Variants in KLHL1 observed in about 807,000 individuals in gnomAD.
KLHL1 encodes kelch-like protein 1.
A neutral mutation model predicts 77.7 loss-of-function variants in KLHL1; 47 were observed. That is an observed-to-expected ratio of 0.60 (90% CI 0.48 to 0.77). The LOEUF (loss-of-function observed/expected upper bound fraction) is 0.77. Ranked by LOEUF, KLHL1 falls within the 30% of genes least tolerant of loss-of-function variation. The pLI, the probability that KLHL1 is intolerant of heterozygous loss-of-function variation, is 0.00. For missense variants in KLHL1, 925 were observed against 910.8 expected (o/e 1.02, Z -0.20); for synonymous variants, 360 against 325.2 (o/e 1.11, Z -1.15).
intron 1 of KLHL1, among the ~76,000 whole-genome samples, chr13:70,005,711 T>C (rs567349233): frequency 6.6e-6 from 1 of 152,140 alleles, no homozygotes; most frequent in South Asian, 2.1e-4. Context: ...ATATTTTAAA[T>C]GAAATAAATG....
chr13:70,035,938 A>G (rs1230371814), intron 1 of KLHL1, among the ~76,000 whole-genome samples: 1 of 152,096 alleles, frequency 6.6e-6, no homozygotes, highest in East Asian at 1.9e-4. Flanking sequence ...TAATTTTACA[A>G]TATCATTGCT....
At chr13:70,003,460 G>A (rs888843126) in intron 1 of KLHL1, among the ~76,000 whole-genome samples, 3 of 151,616 alleles carry the variant, frequency 2.0e-5, no homozygotes, top group Non-Finnish European at 4.4e-5. Context: ...AATGAGGTGT[G>A]CATCATGAAA....
chr13:70,082,488 C>T (rs2137431510), intron 1 of KLHL1, among the ~76,000 whole-genome samples: 1 of 151,954 alleles, frequency 6.6e-6, no homozygotes, highest in South Asian at 2.1e-4. Context: ...AAGACACACT[C>T]CAAATTTTTT....
At chr13:69,901,495 G>T (rs1184745405) in intron 4 of KLHL1, among the ~76,000 whole-genome samples, 1 of 152,168 alleles carries the variant, frequency 6.6e-6, no homozygotes, top group African/African-American at 2.4e-5. Flanking sequence ...TGACAATGAT[G>T]ACTCTGGTCA....
At chr13:70,103,533 G>A (rs1428776172) in intron 1 of KLHL1, among the ~76,000 whole-genome samples, 1 of 152,096 alleles carries the variant, frequency 6.6e-6, no homozygotes, top group Non-Finnish European at 1.5e-5. Context: ...ATAATGAGGG[G>A]AGGTGATAAG....
At chr13:69,800,330 G>C (rs112752534) in intron 6 of KLHL1, among the ~76,000 whole-genome samples, 14 of 152,214 alleles carry the variant, frequency 9.2e-5, no homozygotes, top group Middle Eastern at 6.8e-3. Flanking sequence ...ATATTCACAG[G>C]TTCCAGGGTT....
intron 1 of KLHL1, among the ~76,000 whole-genome samples, chr13:70,038,310 G>A (rs1353598548): frequency 3.3e-5 from 5 of 152,044 alleles, no homozygotes; most frequent in Middle Eastern, 3.2e-3. Flanking sequence ...CCTGTTGAAG[G>A]GTAGCTGGAC....
intron 1 of KLHL1, among the ~76,000 whole-genome samples, chr13:70,057,497 C>T (rs1886771524): frequency 7.3e-6 from 1 of 137,498 alleles, no homozygotes; most frequent in Non-Finnish European, 1.6e-5. Context: ...AAAAAAGAGG[C>T]CGGGCGCGGT....
Position 69,833,734 on chromosome 13 carries a change from T to A in KLHL1, c.1414+5242A>T, listed in dbSNP as rs192507792. ...AAATGCCCATCAATCAATGAGTGGA[T>A]AAAGAAATAATGGTATATATATATA... On this transcript the variant is annotated intron_variant, in intron 6 of 10. Coordinates refer to ENST00000377844, the MANE Select transcript of KLHL1 (RefSeq NM_020866.3). 3.9e-3 allele frequency among the ~76,000 whole-genome samples: 496 copies of A among 125,964 alleles called. 4 individuals are homozygous for A. The highest frequency in any genetic ancestry group is 0.014 in the African/African-American group (483 of 35,342). The allele number at this position is 125,964 out of a possible 152,430, so 82.6% of individuals were successfully genotyped here.
At chr13:69,949,961 CT>C (rs1883655546) in intron 3 of KLHL1, among the ~76,000 whole-genome samples, 1 of 151,600 alleles carries the variant, frequency 6.6e-6, no homozygotes, top group Non-Finnish European at 1.5e-5. Flanking sequence ...TAGTTGTCTT[CT>C]AAAAATTACC....
At chr13:69,826,873 T>G (rs1015301268) in intron 6 of KLHL1, among the ~76,000 whole-genome samples, 3 of 151,466 alleles carry the variant, frequency 2.0e-5, no homozygotes, top group African/African-American at 7.3e-5. Context: ...ATTTTTATTT[T>G]AATAAGAATA....
intron 1 of KLHL1, among the ~76,000 whole-genome samples, chr13:70,087,324 C>T (rs890745198): frequency 1.3e-5 from 2 of 151,990 alleles, no homozygotes; most frequent in Non-Finnish European, 2.9e-5. Context: ...TCCAAACAGC[C>T]GCATCCAGAC....
chr13:69,916,813 AT>A (rs1485088611), intron 4 of KLHL1, among the ~76,000 whole-genome samples: 4 of 152,142 alleles, frequency 2.6e-5, no homozygotes, highest in African/African-American at 9.6e-5. Flanking sequence ...GATGTGAAAC[AT>A]ATATAAATAT....
At chr13:69,854,433 A>G (rs1247282599) in intron 5 of KLHL1, among the ~76,000 whole-genome samples, 1 of 151,998 alleles carries the variant, frequency 6.6e-6, no homozygotes, top group Non-Finnish European at 1.5e-5. Flanking sequence ...TACCACAAGG[A>G]GAGCACCATG....
intron 1 of KLHL1, among the ~76,000 whole-genome samples, chr13:70,019,162 G>C (rs1277690424): frequency 6.6e-6 from 1 of 152,188 alleles, no homozygotes; most frequent in Non-Finnish European, 1.5e-5. Flanking sequence ...GCTAGGCAGA[G>C]AGAAGCATCT....
chr13:69,730,768 T>TG (rs749810659), intron 8 of KLHL1, among the ~76,000 whole-genome samples: 2 of 152,018 alleles, frequency 1.3e-5, no homozygotes, highest in Non-Finnish European at 2.9e-5. Context: ...TTTGTAGAGA[T>TG]GGGGTCTCAC....
intron 1 of KLHL1, among the ~76,000 whole-genome samples, chr13:70,040,564 G>A (rs1159988435): frequency 3.3e-5 from 5 of 152,134 alleles, no homozygotes. Flanking sequence ...TTTCTGATGG[G>A]AAATCACTAT....
In KLHL1 at chr13:69,766,657, G is replaced by A. The variant is rs1050745029; in HGVS notation, c.1640-26101C>T. Among the ~76,000 whole-genome samples, 4 of 152,068 alleles carry A rather than the reference G, an allele frequency of 2.6e-5. No individual in the cohort carries two copies. In the East Asian group the frequency reaches 5.8e-4, roughly 22 times the overall value. On this transcript the variant is annotated intron_variant, in intron 7 of 10. Transcript: ENST00000377844. Reference sequence around the variant, plus strand: ...GAGGAAATTCTGGAAAATATCCCCAGTAGATTTTCCCATATTTCATTGCCC... The same window carrying A: ...GAGGAAATTCTGGAAAATATCCCCAATAGATTTTCCCATATTTCATTGCCC...
chr13:69,980,422 A>G (rs983952513), intron 1 of KLHL1, among the ~76,000 whole-genome samples: 1 of 152,168 alleles, frequency 6.6e-6, no homozygotes, highest in Non-Finnish European at 1.5e-5. Flanking sequence ...ATCACACATT[A>G]TAAGTGCCTG....
Sources: gnomAD v4.1 joint callset for allele counts (sites outside exome capture counted in the v4.1 genomes callset) on GRCh38, gnomAD v4.1.1 for gene constraint, MANE v1.5 for transcripts, NCBI Gene and HGNC (gene_info 2026-07-23, HGNC 2026-07-21) for gene names.